Variants in SCN1A observed in about 807,000 individuals in gnomAD.
SCN1A encodes sodium voltage-gated channel alpha subunit 1, also known as sodium channel protein type 1 subunit alpha.
In SCN1A, 13 loss-of-function variants were observed where a neutral mutation model predicts 193.7. The observed-to-expected ratio is 0.07, with a 90% CI of 0.04 to 0.11. The LOEUF (loss-of-function observed/expected upper bound fraction) is 0.11, where lower values mean the gene tolerates loss of function less well. Among genes scored for constraint, SCN1A ranks in the 10% least tolerant of loss-of-function variants. SCN1A has a pLI of 1.00. For missense variants in SCN1A, 1,432 were observed against 2,451.1 expected, an observed-to-expected ratio of 0.58 and a Z score of 8.78; for synonymous variants, 781 against 843.6, an observed-to-expected ratio of 0.93 and a Z score of 1.29.
chr2:166,063,503 T>A (rs973202121), intron 4 of SCN1A, among the ~76,000 whole-genome samples: 3 of 152,102 alleles, frequency 2.0e-5, no homozygotes, highest in African/African-American at 7.2e-5. Context: ...ATATTTGCAA[T>A]GCCCTGTGCT....
chr2:166,034,381 A>T (rs944934818), intron 19 of SCN1A, among the ~76,000 whole-genome samples: 1 of 152,200 alleles, frequency 6.6e-6, no homozygotes, highest in African/African-American at 2.4e-5. Context: ...AATCAAAAGA[A>T]TGTCACATAC....
intron 7 of SCN1A, 133 bp downstream of exon 7, chr2:166,054,505 T>C: frequency 1.1e-6 from 1 of 948,832 alleles, no homozygotes; most frequent in South Asian, 1.5e-5. Context: ...TTGTGCTAAA[T>C]TGAAATCCAG....
Position 165,987,018 on chromosome 2 carries a change from G to A in SCN1A, c.*4227C>T, listed in dbSNP as rs770716062. 6.6e-6 allele frequency: 1 copy of A among 151,968 alleles called. No homozygotes were observed. The highest frequency in any genetic ancestry group is 2.4e-5 in the African/African-American group (1 of 41,406). 9.4% of individuals were successfully genotyped at this position (151,968 alleles called of 1,614,324 possible). Reference sequence around the variant, plus strand: ...ACTTTCCCAATAATATTATTTATCTGTTATTTTTTAATTTGATATTCCATC... The same window carrying A: ...ACTTTCCCAATAATATTATTTATCTATTATTTTTTAATTTGATATTCCATC... On this transcript the variant is annotated 3_prime_UTR_variant, in exon 29 of 29. Transcript: ENST00000674923.
At chr2:166,048,420 T>G (rs1347860771) in intron 10 of SCN1A, among the ~76,000 whole-genome samples, 1 of 152,136 alleles carries the variant, frequency 6.6e-6, no homozygotes, top group African/African-American at 2.4e-5. Context: ...GTTCTCATCA[T>G]TTAGCTCCCA....
intron 23 of SCN1A, among the ~76,000 whole-genome samples, chr2:166,005,082 T>TC (rs1691466088): frequency 6.6e-6 from 1 of 151,408 alleles, no homozygotes; most frequent in Non-Finnish European, 1.5e-5. Context: ...CTCCCACTTA[T>TC]CTGGTACCCA....
chr2:166,033,305 A>G (rs1695878669), intron 19 of SCN1A, among the ~76,000 whole-genome samples: 1 of 152,156 alleles, frequency 6.6e-6, no homozygotes. Context: ...CCATGAACCA[A>G]GTGGTTGCAT....
chr2:166,055,789 C>T (rs1359397965), intron 6 of SCN1A, among the ~76,000 whole-genome samples: 1 of 151,918 alleles, frequency 6.6e-6, no homozygotes, highest in African/African-American at 2.4e-5. Flanking sequence ...TCGAAGGTAT[C>T]CCCAGAACAG....
intron 1 of SCN1A, among the ~76,000 whole-genome samples, chr2:166,146,462 G>A (rs1358999462): frequency 1.3e-5 from 2 of 152,222 alleles, no homozygotes; most frequent in African/African-American, 2.4e-5. Context: ...AAATGAGGAG[G>A]AGGTCAGTTT....
chr2:166,088,021 A>C (rs1335169471), intron 2 of SCN1A, among the ~76,000 whole-genome samples: 1 of 151,616 alleles, frequency 6.6e-6, no homozygotes, highest in Non-Finnish European at 1.5e-5. Flanking sequence ...GACTTTGAAA[A>C]CTGAACATCT....
chr2:166,030,007 A>G (rs1695335106), intron 19 of SCN1A, among the ~76,000 whole-genome samples: 1 of 152,202 alleles, frequency 6.6e-6, no homozygotes, highest in South Asian at 2.1e-4. Flanking sequence ...GAAACACTCC[A>G]GACTATGCTG....
chr2:166,009,636 A>T (rs1692137732), intron 23 of SCN1A, 83 bp downstream of exon 23: 11 of 1,363,400 alleles, frequency 8.1e-6, no homozygotes, highest in Non-Finnish European at 8.0e-6. Context: ...TTCCTTTTGC[A>T]TGCATAGATT....
intron 23 of SCN1A, among the ~76,000 whole-genome samples, chr2:166,003,309 A>G (rs1450673232): frequency 6.6e-6 from 1 of 151,636 alleles, no homozygotes; most frequent in Admixed American, 6.6e-5. Context: ...AAGAAGCAAG[A>G]CAATTTGCAT....
At chr2:166,007,808 G>C (rs746429684) in intron 23 of SCN1A, among the ~76,000 whole-genome samples, 8 of 151,328 alleles carry the variant, frequency 5.3e-5, no homozygotes, top group Non-Finnish European at 1.0e-4. Context: ...CTAGGGCAAA[G>C]AATTAAATGA....
intron 27 of SCN1A, among the ~76,000 whole-genome samples, chr2:165,995,115 G>A (rs1357020562): frequency 6.6e-6 from 1 of 151,760 alleles, no homozygotes; most frequent in African/African-American, 2.4e-5. Flanking sequence ...GTCACTGAAG[G>A]CCATCTGCAG....
chr2:166,080,246 C>A lies in SCN1A; in HGVS notation c.-141-2445G>T, dbSNP rs138556908. 1.5e-4 allele frequency among the ~76,000 whole-genome samples: 23 copies of A among 151,752 alleles called. No homozygotes were observed. The East Asian group carries it at 4.4e-3, about 29-fold the overall frequency. On this transcript the variant is annotated intron_variant, in intron 2 of 28. Transcript: ENST00000674923. ...CGGGGTAGTAACCTCATAGAATCTG[C>A]AGTTTTGGCTTACAGCTTTCTCTTT...
intron 5 of SCN1A, among the ~76,000 whole-genome samples, chr2:166,056,953 A>G (rs1699195111): frequency 6.6e-6 from 1 of 152,026 alleles, no homozygotes; most frequent in African/African-American, 2.4e-5. Context: ...ATCTTATCCA[A>G]CACAGTTCAA....
At chr2:166,133,925 A>T (rs1003185288) in intron 1 of SCN1A, 4 of 151,690 alleles carry the variant, frequency 2.6e-5, no homozygotes, top group Non-Finnish European at 5.9e-5. Flanking sequence ...ACTATGACTT[A>T]TTTTTTTTGT....
At chr2:166,070,770 A>G (rs1324209509) in intron 4 of SCN1A, among the ~76,000 whole-genome samples, 1 of 149,906 alleles carries the variant, frequency 6.7e-6, no homozygotes, top group African/African-American at 2.5e-5. Context: ...TTAATTAAAG[A>G]AAAAAAAGAT....
chr2:166,045,564 T>C (rs1384734031), intron 12 of SCN1A, among the ~76,000 whole-genome samples: 1 of 152,166 alleles, frequency 6.6e-6, no homozygotes, highest in Non-Finnish European at 1.5e-5. Flanking sequence ...CTGTTAATGC[T>C]CCACAGACCA....
Sources: allele counts gnomAD v4.1 joint callset (sites outside exome capture counted in the v4.1 genomes callset), GRCh38; gene constraint gnomAD v4.1.1; transcripts MANE v1.5; gene names NCBI Gene and HGNC (gene_info 2026-07-23, HGNC 2026-07-21).